Variants in RNF187 observed in about 807,000 individuals in gnomAD.
RNF187 encodes the protein E3 ubiquitin-protein ligase RNF187.
A neutral mutation model predicts 22.2 loss-of-function variants in RNF187; 18 were observed. That is an observed-to-expected ratio of 0.81 (90% confidence interval 0.56 to 1.20). The LOEUF is 1.20. Among genes scored for constraint, RNF187 ranks in the 50% most tolerant of loss-of-function variants. RNF187 has a pLI of 0.00. For missense variants in RNF187, 329 were observed against 317.6 expected, an observed-to-expected ratio of 1.04 and a Z score of -0.27; for synonymous variants, 164 against 140.9, an observed-to-expected ratio of 1.16 and a Z score of -1.16.
At chr1:228,488,040 C>G in intron 1 of RNF187, among the ~76,000 whole-genome samples, 162 bp downstream of exon 1, 1 of 151,134 alleles carries the variant, frequency 6.6e-6, no homozygotes, top group Admixed American at 6.6e-5. Context: ...GCCACGGGTC[C>G]CCTCTCCAGC....
At position 228,495,422 on chromosome 1, in the gene RNF187, TAGG is replaced by T; in HGVS notation, c.*1540_*1542del. 2.1e-6 allele frequency: 2 copies of T among 961,134 alleles called. No homozygotes were observed. Among genetic ancestry groups the T allele is most frequent in the South Asian group, 4.8e-5 (1 of 20,824 alleles). 59.5% of individuals were successfully genotyped at this position (961,134 alleles called of 1,614,324 possible). A position where few individuals can be genotyped will look rare whatever the true frequency, so the allele number is the denominator to read the frequency against. ...TCATAAGAAAGGGCAAAGAGGGCCC[TAGG>T]AGAAGATTCCAGAGCCTGGCCAGAG... On this transcript the variant is annotated 3_prime_UTR_variant, in exon 4 of 4. Transcript: ENST00000305943.
At chr1:228,492,944 A>AGCATGTTT in intron 2 of RNF187, 109 bp from the exon 3 acceptor site, 2 of 1,180,356 alleles carry the variant, frequency 1.7e-6, no homozygotes. Context: ...GTGCCTGAGC[A>AGCATGTTT]GCATGTTTTG....
At chr1:228,487,943 G>A in intron 1 of RNF187, 65 bp downstream of exon 1, 2 of 873,308 alleles carry the variant, frequency 2.3e-6, no homozygotes, top group Non-Finnish European at 2.7e-6. Flanking sequence ...CCCCCGCCCC[G>A]GTCCCCCTGA....
In RNF187 at chr1:228,495,054, GAC is replaced by G; in HGVS notation, c.*1172_*1173del. On this transcript the variant is annotated 3_prime_UTR_variant, in exon 4 of 4. Transcript: ENST00000305943. Reference sequence around the variant, plus strand: ...CCAGTGTCAAAGGAAACTTCCTCGTGACACGTGCTAAAGCATGGTGAGGAGGA... The same window carrying G: ...CCAGTGTCAAAGGAAACTTCCTCGTGACGTGCTAAAGCATGGTGAGGAGGA... 5 of 983,820 alleles carry G rather than the reference GAC, an allele frequency of 5.1e-6. No individual in the cohort carries two copies. The South Asian group carries it at 1.9e-4, about 37-fold the overall frequency. The allele number at this position is 983,820 out of a possible 1,614,324, so 60.9% of individuals were successfully genotyped here.
chr1:228,494,476 T>A lies in RNF187; in HGVS notation c.*591T>A. 1.0e-6 allele frequency: 1 copy of A among 986,196 alleles called. No homozygotes were observed. The highest frequency in any genetic ancestry group is 1.8e-5 in the African/African-American group (1 of 57,076). The allele number at this position is 986,196 out of a possible 1,614,324, so 61.1% of individuals were successfully genotyped here. A position where few individuals can be genotyped will look rare whatever the true frequency, so the allele number is the denominator to read the frequency against. ...CCTTATCCAAGTCGCTCTGTCCACC[T>A]CCCCCTTCCTGGCCCCCACCCCACT... is the stretch of plus-strand genomic sequence containing the variant. On this transcript the variant is annotated 3_prime_UTR_variant, in exon 4 of 4. Transcript: ENST00000305943.
At position 228,494,971 on chromosome 1, in the gene RNF187, C is replaced by A; in HGVS notation, c.*1086C>A. 10 of 985,620 alleles carry A rather than the reference C, an allele frequency of 1.0e-5. No individual in the cohort carries two copies. The highest frequency in any genetic ancestry group is 1.1e-5 in the Non-Finnish European group (9 of 830,064). The allele number at this position is 985,620 out of a possible 1,614,324, so 61.1% of individuals were successfully genotyped here. A position where few individuals can be genotyped will look rare whatever the true frequency, so the allele number is the denominator to read the frequency against. On this transcript the variant is annotated 3_prime_UTR_variant, in exon 4 of 4. Coordinates refer to ENST00000305943, the MANE Select transcript of RNF187 (RefSeq NM_001010858.3). The stretch of plus-strand genomic sequence containing the variant: ...GCTGAATAAAGTGGGTTTGTGTCAG[C>A]TCGTTTGCTTCGTCTCCGTGTGTCC...
Position 228,487,417 on chromosome 1 carries a change from G to T in RNF187, c.-72G>T. 9.2e-7 allele frequency: 1 copy of T among 1,084,552 alleles called. No homozygotes were observed. Among genetic ancestry groups the T allele is most frequent in the Non-Finnish European group, 1.1e-6 (1 of 894,852 alleles). 67.2% of individuals were successfully genotyped at this position (1,084,552 alleles called of 1,614,324 possible). A position where few individuals can be genotyped will look rare whatever the true frequency, so the allele number is the denominator to read the frequency against. On this transcript the variant is annotated 5_prime_UTR_variant, in exon 1 of 4. Coordinates refer to ENST00000305943, the MANE Select transcript of RNF187 (RefSeq NM_001010858.3). Reference sequence around the variant, plus strand: ...TCGTCCTGTTGCTGGTCTCCGTCCGGTCGCCGGCCGTCTAGGTCTCCGGCC... The same window carrying T: ...TCGTCCTGTTGCTGGTCTCCGTCCGTTCGCCGGCCGTCTAGGTCTCCGGCC...
At position 228,487,741 on chromosome 1, in the gene RNF187, G is replaced by C. The variant is rs1658871238; in HGVS notation, c.253G>C (p.Asp85His). ...GGAGGCGGCCGCGGCGCCCGCGCGC[G>C]ACGGCCCGGCCAGCGAGGCCGCGCT... The change falls in exon 1 of 4, where the codon GAC becomes CAC. Residue 85 changes from aspartate (D) to histidine (H), a missense_variant. Physicochemically the swap from Asp to His is moderately conservative, Grantham distance 81. Transcript: ENST00000305943. 5.8e-6 allele frequency: 6 copies of C among 1,031,590 alleles called. No homozygotes were observed. The South Asian group carries it at 2.7e-4, about 46-fold the overall frequency. 63.9% of individuals were successfully genotyped at this position (1,031,590 alleles called of 1,614,324 possible). A position where few individuals can be genotyped will look rare whatever the true frequency, so the allele number is the denominator to read the frequency against.
At chr1:228,490,171 C>T in intron 2 of RNF187, among the ~76,000 whole-genome samples, 3 of 152,196 alleles carry the variant, frequency 2.0e-5, no homozygotes, top group Admixed American at 6.5e-5. Context: ...GGCTGCATCT[C>T]GAGGCTGAGG....
In RNF187 at chr1:228,495,484, A is replaced by G; in HGVS notation, c.*1599A>G. On this transcript the variant is annotated 3_prime_UTR_variant, in exon 4 of 4. Transcript: ENST00000305943. Reference sequence around the variant, plus strand: ...AGTAGAGAATCTTTGTCAGCACGCCAACAACATCCCGACCCTGAGACCTCC... The same window carrying G: ...AGTAGAGAATCTTTGTCAGCACGCCGACAACATCCCGACCCTGAGACCTCC... The G allele has an allele frequency of 1.0e-6, 1 of 985,402 alleles. No individual in the cohort carries two copies. Among genetic ancestry groups the G allele is most frequent in the South Asian group, 4.7e-5 (1 of 21,272 alleles). The allele number at this position is 985,402 out of a possible 1,614,324, so 61.0% of individuals were successfully genotyped here.
In RNF187 at chr1:228,494,267, G is replaced by A; in HGVS notation, c.*382G>A. The stretch of plus-strand genomic sequence containing the variant: ...TTCCATGTGGGCCCACAGATCCTTG[G>A]CAGGTACCTGAGGTGCACCATTGAG... On this transcript the variant is annotated 3_prime_UTR_variant, in exon 4 of 4. Transcript: ENST00000305943. 8.3e-7 allele frequency: 1 copy of A among 1,201,686 alleles called. No homozygotes were observed. Among genetic ancestry groups the A allele is most frequent in the Non-Finnish European group, 1.0e-6 (1 of 956,498 alleles). The allele number at this position is 1,201,686 out of a possible 1,614,324, so 74.4% of individuals were successfully genotyped here.
chr1:228,492,539 C>T, intron 2 of RNF187, among the ~76,000 whole-genome samples: 1 of 148,290 alleles, frequency 6.7e-6, no homozygotes, highest in South Asian at 2.1e-4. Context: ...CCAGGATGGT[C>T]TTAATCTCCG....
At chr1:228,489,963 C>T in intron 2 of RNF187, among the ~76,000 whole-genome samples, 3 of 152,330 alleles carry the variant, frequency 2.0e-5, no homozygotes, top group Non-Finnish European at 2.9e-5. Flanking sequence ...AGTATTATAT[C>T]CCAAGGGGAC....
intron 2 of RNF187, among the ~76,000 whole-genome samples, chr1:228,492,470 C>T: frequency 2.7e-5 from 4 of 150,846 alleles, no homozygotes; most frequent in African/African-American, 7.3e-5. Flanking sequence ...TACAGGCGTG[C>T]GCCACCACGC....
Position 228,494,894 on chromosome 1 carries a change from C to G in RNF187, c.*1009C>G. 1.0e-6 allele frequency: 1 copy of G among 985,324 alleles called. No homozygotes were observed. Among genetic ancestry groups the G allele is most frequent in the African/African-American group, 1.7e-5 (1 of 57,208 alleles). 61.0% of individuals were successfully genotyped at this position (985,324 alleles called of 1,614,324 possible). On this transcript the variant is annotated 3_prime_UTR_variant, in exon 4 of 4. Coordinates refer to ENST00000305943, the MANE Select transcript of RNF187 (RefSeq NM_001010858.3). ...TTTCAGCCCTTCTGAGTCCCCGGCC[C>G]TTGGTGCGATGTCTGTGAGTTTGAC...
chr1:228,492,365 T>G, intron 2 of RNF187, among the ~76,000 whole-genome samples: 66 of 151,936 alleles, frequency 4.3e-4, no homozygotes, highest in African/African-American at 1.5e-3. Flanking sequence ...TGTTATTGTT[T>G]TTTTTTTTGT....
Position 228,487,525 on chromosome 1 carries a change from G to A in RNF187, c.37G>A (p.Ala13Thr), listed in dbSNP as rs747063131. 7.5e-6 allele frequency: 9 copies of A among 1,192,746 alleles called. 1 individual carries two copies. The South Asian group carries it at 2.2e-4, about 29-fold the overall frequency. 73.9% of individuals were successfully genotyped at this position (1,192,746 alleles called of 1,614,324 possible). Residue 13 changes from alanine to threonine, a missense_variant, in exon 1 of 4, where the codon GCC becomes ACC. Transcript: ENST00000305943. Reference sequence around the variant, plus strand: ...TGCGGGCCCCGCCGAGGCCGCCTGCGCCCTGTGCCAGCGCGCGCCCCGGGA... The same window carrying A: ...TGCGGGCCCCGCCGAGGCCGCCTGCACCCTGTGCCAGCGCGCGCCCCGGGA...
Position 228,495,271 on chromosome 1 carries a change from TTGC to T in RNF187, c.*1390_*1392del. The T allele has an allele frequency of 8.7e-6, 2 of 229,740 alleles. No individual in the cohort carries two copies. The highest frequency in any genetic ancestry group is 1.4e-5 in the Non-Finnish European group (2 of 139,128). 14.2% of individuals were successfully genotyped at this position (229,740 alleles called of 1,614,324 possible). On this transcript the variant is annotated 3_prime_UTR_variant, in exon 4 of 4. Transcript: ENST00000305943. ...TGGCTAAACCCACCTCACAGAGTCC[TTGC>T]TGCAGGCAGGCAGGGCGATCAGACA...
chr1:228,487,420 G>C lies in RNF187; in HGVS notation c.-69G>C. ...TCCTGTTGCTGGTCTCCGTCCGGTC[G>C]CCGGCCGTCTAGGTCTCCGGCCCTC... On this transcript the variant is annotated 5_prime_UTR_variant, in exon 1 of 4. Coordinates refer to ENST00000305943, the MANE Select transcript of RNF187 (RefSeq NM_001010858.3). 1 of 1,076,762 alleles carries C rather than the reference G, an allele frequency of 9.3e-7. No individual in the cohort carries two copies. The highest frequency in any genetic ancestry group is 1.7e-5 in the African/African-American group (1 of 58,780). 66.7% of individuals were successfully genotyped at this position (1,076,762 alleles called of 1,614,324 possible).
Sources: allele counts gnomAD v4.1 joint callset (sites outside exome capture counted in the v4.1 genomes callset), GRCh38; gene constraint gnomAD v4.1.1; transcripts MANE v1.5; gene names NCBI Gene and HGNC (gene_info 2026-07-23, HGNC 2026-07-21).